Variants in TRIM62 observed in about 807,000 individuals in gnomAD.
TRIM62 encodes tripartite motif containing 62, also known as E3 ubiquitin-protein ligase TRIM62.
A neutral mutation model predicts 44.2 loss-of-function variants in TRIM62; 39 were observed. The observed-to-expected ratio is 0.88, with a 90% CI of 0.68 to 1.15. The LOEUF is 1.15. TRIM62 is among the 50% of genes most tolerant of loss of function. The pLI is 0.00. For missense variants in TRIM62, 544 were observed against 665.5 expected (o/e 0.82, Z 2.01); for synonymous variants, 278 against 292.3 (o/e 0.95, Z 0.50).
chr1:33,176,552 G>C (rs1645421343), intron 1 of TRIM62: 1 of 603,568 alleles, frequency 1.7e-6, no homozygotes, highest in East Asian at 2.8e-5. Context: ...AACCTGAGAC[G>C]GCCAGAGAGC....
In TRIM62 at chr1:33,181,088, G is replaced by A. The variant is rs1645458647; in HGVS notation, c.345C>T (p.Asp115=). Residue 115 remains aspartate, a synonymous_variant, in exon 1 of 5, where the codon GAC becomes GAT. Coordinates refer to ENST00000291416, the MANE Select transcript of TRIM62 (RefSeq NM_018207.3). The surrounding 1 kb of genome is among the most constrained non-coding windows in gnomAD (Gnocchi z 6.5). ...GATGCTGCTCGTGCAGTGCAGGCTC[G>A]TCGCAGAAGAAGCAGAGAAGCGCGC... ...TDRALLCFFC[D]EPALHEQHQV... The A allele has an allele frequency of 2.5e-6, 4 of 1,599,320 alleles. No homozygotes were observed. The highest frequency in any genetic ancestry group is 1.7e-4 in the Middle Eastern group (1 of 6,058).
Position 33,161,144 on chromosome 1 carries a change from T to G in TRIM62, c.505-1200A>C, listed in dbSNP as rs193224947. Among the ~76,000 whole-genome samples, 58 of 152,330 alleles carry G rather than the reference T, an allele frequency of 3.8e-4. No homozygotes were observed. The highest frequency in any genetic ancestry group is 7.5e-4 in the Non-Finnish European group (51 of 68,028). On this transcript the variant is annotated intron_variant, in intron 2 of 4. Transcript: ENST00000291416. This position sits in a 1 kb window ranked among gnomAD's most constrained non-coding sequence, Gnocchi z 4.3. ...TGAAGATGAAATGAGGGGGTGTTGTTGTGCGCACTCCAAGGCGCAGAGAAA... is the reference window on the plus strand; with the variant it reads ...TGAAGATGAAATGAGGGGGTGTTGTGGTGCGCACTCCAAGGCGCAGAGAAA...
chr1:33,159,599 A>G lies in TRIM62; in HGVS notation c.761+89T>C, dbSNP rs1645232434. On this transcript the variant is annotated intron_variant, in intron 3 of 4. Transcript: ENST00000291416. The surrounding 1 kb of genome is among the most constrained non-coding windows in gnomAD (Gnocchi z 4.2). ...GATTTGAATGAAAGAATTCTCTGCTAAGGATCCCATCTGCCTCCACTCCCA... is the reference window on the plus strand; with the variant it reads ...GATTTGAATGAAAGAATTCTCTGCTGAGGATCCCATCTGCCTCCACTCCCA... 6 of 1,477,198 alleles carry G rather than the reference A, an allele frequency of 4.1e-6. No homozygotes were observed. Among genetic ancestry groups the G allele is most frequent in the Admixed American group, 2.2e-5 (1 of 45,200 alleles). The allele number at this position is 1,477,198 out of a possible 1,614,324, so 91.5% of individuals were successfully genotyped here. A position where few individuals can be genotyped will look rare whatever the true frequency, so the allele number is the denominator to read the frequency against.
chr1:33,149,309 C>T (rs879644406), intron 4 of TRIM62, among the ~76,000 whole-genome samples: 6 of 152,138 alleles, frequency 3.9e-5, no homozygotes, highest in South Asian at 2.1e-4. Flanking sequence ...CGCGCCACCA[C>T]GCCTGGCTAA....
At chr1:33,157,599 C>T (rs765264638) in intron 4 of TRIM62, among the ~76,000 whole-genome samples, 1 of 152,044 alleles carries the variant, frequency 6.6e-6, no homozygotes, top group Non-Finnish European at 1.5e-5. Context: ...GGGATTTTTG[C>T]CTGTTTTGCT....
At chr1:33,179,404 C>T (rs1356769113) in intron 1 of TRIM62, among the ~76,000 whole-genome samples, 3 of 152,168 alleles carry the variant, frequency 2.0e-5, no homozygotes, top group Non-Finnish European at 4.4e-5. Flanking sequence ...TGGGTGCAGG[C>T]CTACTCAAAG....
In TRIM62 at chr1:33,145,799, G is replaced by C. The variant is rs761229926; in HGVS notation, c.*1378C>G. The C allele has an allele frequency of 1.9e-4, 88 of 466,196 alleles. No homozygotes were observed. The highest frequency in any genetic ancestry group is 1.6e-3 in the Middle Eastern group (5 of 3,070). The allele number at this position is 466,196 out of a possible 1,614,324, so 28.9% of individuals were successfully genotyped here. ...CTCCACCCTCTCCCGAGTTCTTCAC[G>C]ATTGGATGCTGTGGCAGAAAAACGC... is the stretch of plus-strand genomic sequence containing the variant. On this transcript the variant is annotated 3_prime_UTR_variant, in exon 5 of 5. Coordinates refer to ENST00000291416, the MANE Select transcript of TRIM62 (RefSeq NM_018207.3).
chr1:33,160,028 A>G, intron 2 of TRIM62, 84 bp from the exon 3 acceptor site: 1 of 1,540,202 alleles, frequency 6.5e-7, no homozygotes, highest in Non-Finnish European at 8.8e-7. Flanking sequence ...GAGAGCCTTG[A>G]CACACAGAGA....
At chr1:33,174,041 A>G (rs892388026) in intron 1 of TRIM62, among the ~76,000 whole-genome samples, 2 of 152,156 alleles carry the variant, frequency 1.3e-5, no homozygotes, top group African/African-American at 4.8e-5. Flanking sequence ...TAAAATATAC[A>G]TATATACCTT....
Position 33,165,590 on chromosome 1 carries a change from T to C in TRIM62, c.409-24A>G, listed in dbSNP as rs928450631. 2.5e-6 allele frequency: 4 copies of C among 1,587,436 alleles called. No individual in the cohort carries two copies. The highest frequency in any genetic ancestry group is 8.6e-7 in the Non-Finnish European group (1 of 1,164,286). On this transcript the variant is annotated intron_variant, in intron 1 of 4. Transcript: ENST00000291416. The surrounding 1 kb of genome is among the most constrained non-coding windows in gnomAD (Gnocchi z 4.0). Reference sequence around the variant, plus strand: ...CTCTGAAACACACACAGGGCCGGGATGGGGGCAGGGGCCATGCCTGGCCCA... The same window carrying C: ...CTCTGAAACACACACAGGGCCGGGACGGGGGCAGGGGCCATGCCTGGCCCA...
chr1:33,156,168 T>A (rs1645175917), intron 4 of TRIM62, among the ~76,000 whole-genome samples: 1 of 152,228 alleles, frequency 6.6e-6, no homozygotes, highest in Admixed American at 6.5e-5. Context: ...CTTCCTCTCC[T>A]ACATCCTTAA....
At position 33,181,747 on chromosome 1, in the gene TRIM62, G is replaced by A. The variant is rs1557765855; in HGVS notation, c.-315C>T. On this transcript the variant is annotated 5_prime_UTR_variant, in exon 1 of 5. Coordinates refer to ENST00000291416, the MANE Select transcript of TRIM62 (RefSeq NM_018207.3). The surrounding 1 kb of genome is among the most constrained non-coding windows in gnomAD (Gnocchi z 6.5). ...TCCTGACGGGGAGGTTCTAGGGGGC[G>A]GGGCAGTCCTAAGGGATAGGAGCTG... 2.5e-6 allele frequency: 1 copy of A among 397,426 alleles called. No individual in the cohort carries two copies. The allele number at this position is 397,426 out of a possible 1,614,324, so 24.6% of individuals were successfully genotyped here.
In TRIM62 at chr1:33,159,451, T is replaced by C. The variant is rs1645230165; in HGVS notation, c.761+237A>G. The stretch of plus-strand genomic sequence containing the variant: ...CAGCAGGGTCAAAGTGGCTGCCCTC[T>C]AGATGGTTTTCAAACTGTGTTCCTC... On this transcript the variant is annotated intron_variant, in intron 3 of 4. Transcript: ENST00000291416. This position sits in a 1 kb window ranked among gnomAD's most constrained non-coding sequence, Gnocchi z 4.2. Among the ~76,000 whole-genome samples, 1 of 152,190 alleles carries C rather than the reference T, an allele frequency of 6.6e-6. No individual in the cohort carries two copies. The highest frequency in any genetic ancestry group is 6.5e-5 in the Admixed American group (1 of 15,280).
At position 33,147,491 on chromosome 1, in the gene TRIM62, C is replaced by T. The variant is rs201746964; in HGVS notation, c.1114G>A (p.Ala372Thr). 26 of 1,612,550 alleles carry T rather than the reference C, an allele frequency of 1.6e-5. No individual in the cohort carries two copies. The East Asian group carries it at 2.0e-4, about 12-fold the overall frequency. Residue 372 changes from alanine (A) to threonine (T), a missense_variant, in exon 5 of 5, where the codon GCA (alanine) becomes ACA (threonine). Transcript: ENST00000291416. The surrounding 1 kb of genome is among the most constrained non-coding windows in gnomAD (Gnocchi z 8.1). ...ATCTGGATGCTGCCCTTGCGGCTTG[C>T]GGCTTCGTGTGCCAGCCCGATCACC... Reference protein sequence around the residue: ...QWVIGLAHEAASRKGSIQIQP... With the variant: ...QWVIGLAHEATSRKGSIQIQP...
chr1:33,174,413 G>C (rs1313837978), intron 1 of TRIM62, among the ~76,000 whole-genome samples: 4 of 152,006 alleles, frequency 2.6e-5, no homozygotes, highest in Non-Finnish European at 4.4e-5. Flanking sequence ...CGAACTTCTG[G>C]GCTCAAGCAA....
In TRIM62 at chr1:33,159,272, A is replaced by T. The variant is rs1645227302; in HGVS notation, c.761+416T>A. On this transcript the variant is annotated intron_variant, in intron 3 of 4. Transcript: ENST00000291416. This position sits in a 1 kb window ranked among gnomAD's most constrained non-coding sequence, Gnocchi z 4.2. ...GTAATGCCAACATTATCATAAATAAAATAATATGTAATATATTTATATTAT... is the reference window on the plus strand; with the variant it reads ...GTAATGCCAACATTATCATAAATAATATAATATGTAATATATTTATATTAT... Among the ~76,000 whole-genome samples the T allele has an allele frequency of 6.6e-6, 1 of 152,190 alleles. No homozygotes were observed. The highest frequency in any genetic ancestry group is 1.5e-5 in the Non-Finnish European group (1 of 68,036).
rs79125254 is a variant in TRIM62 at position 33,146,117 on chromosome 1, G to C, written c.*1060C>G. On this transcript the variant is annotated 3_prime_UTR_variant, in exon 5 of 5. Transcript: ENST00000291416. The stretch of plus-strand genomic sequence containing the variant: ...TCACAACAGACATGATGAATCTGGC[G>C]CTGGGAGTTCCTGGAAATTCAGCAG... 8 of 266,014 alleles carry C rather than the reference G, an allele frequency of 3.0e-5. No individual in the cohort carries two copies. Among genetic ancestry groups the C allele is most frequent in the African/African-American group, 1.6e-4 (7 of 44,244 alleles). The allele number at this position is 266,014 out of a possible 1,614,324, so 16.5% of individuals were successfully genotyped here. A position where few individuals can be genotyped will look rare whatever the true frequency, so the allele number is the denominator to read the frequency against.
At chr1:33,164,444 G>C (rs1252994078) in intron 2 of TRIM62, 1 of 152,342 alleles carries the variant, frequency 6.6e-6, no homozygotes, top group Non-Finnish European at 1.5e-5. Context: ...TCCAGTCCCA[G>C]AGTGCTGGAC....
intron 1 of TRIM62, among the ~76,000 whole-genome samples, chr1:33,172,356 G>T (rs1326849645): frequency 2.0e-5 from 3 of 152,164 alleles, no homozygotes; most frequent in African/African-American, 7.2e-5. Flanking sequence ...GGGAGAACAG[G>T]TTGGGTAGGG....
Sources: allele counts gnomAD v4.1 joint callset (sites outside exome capture counted in the v4.1 genomes callset), GRCh38; gene constraint gnomAD v4.1.1; non-coding constraint Gnocchi (gnomAD v3.1); transcripts MANE v1.5; gene names NCBI Gene and HGNC (gene_info 2026-07-23, HGNC 2026-07-21).